The following PDZD8 variants were observed in gnomAD, a reference collection of about 807,000 sequenced individuals.
PDZD8 encodes PDZ domain containing 8.
In PDZD8, 14 loss-of-function variants were observed where a neutral mutation model predicts 85.8. The ratio of observed to expected loss-of-function variants is 0.16; its 90% CI spans 0.11 to 0.26. The LOEUF (loss-of-function observed/expected upper bound fraction) is 0.26, where lower values mean the gene tolerates loss of function less well. PDZD8 is among the 10% of genes least tolerant of loss of function. The pLI, the probability that PDZD8 is intolerant of heterozygous loss-of-function variation, is 1.00. For synonymous variants in PDZD8, 592 were observed against 568.6 expected (o/e 1.04, Z -0.59); for missense variants, 1,197 against 1,424.3 (o/e 0.84, Z 2.57).
intron 3 of PDZD8, among the ~76,000 whole-genome samples, chr10:117,302,213 T>C (rs562374272): frequency 3.3e-5 from 5 of 152,300 alleles, no homozygotes; most frequent in South Asian, 4.1e-4. Context: ...TTGGAAACAA[T>C]AGACCTTGTT....
chr10:117,285,517 G>A (rs1265640261), intron 4 of PDZD8, 46 bp from the exon 5 acceptor site: 1 of 1,460,738 alleles, frequency 6.8e-7, no homozygotes, highest in African/African-American at 1.4e-5. Context: ...TATTGCAATA[G>A]AAATTACTAC....
At chr10:117,362,942 C>T (rs1477804000) in intron 1 of PDZD8, among the ~76,000 whole-genome samples, 1 of 151,958 alleles carries the variant, frequency 6.6e-6, no homozygotes, top group East Asian at 1.9e-4. Context: ...ATTCTGGTCT[C>T]GATTAAAATC....
rs775347713 is a variant in PDZD8 at position 117,284,963 on chromosome 10, A to C, written c.1770T>G (p.Pro590=). The C allele has an allele frequency of 1.2e-6, 2 of 1,614,018 alleles. No homozygotes were observed. The change falls in exon 5 of 5, where the codon CCT becomes CCG. Residue 590 remains proline (P), a synonymous_variant. Transcript: ENST00000334464. ...KPTQGSAFKP[P]VPPRPQAKVP... ...CTTTCGCTTGTGGTCGTGGTGGCAC[A>C]GGTGGTTTGAAAGCAGATCCTTGGG...
intron 1 of PDZD8, among the ~76,000 whole-genome samples, chr10:117,369,128 C>T (rs1173503877): frequency 6.6e-6 from 1 of 151,512 alleles, no homozygotes; most frequent in African/African-American, 2.4e-5. Context: ...GCCACCACGC[C>T]AGGCCTGACA....
intron 1 of PDZD8, among the ~76,000 whole-genome samples, chr10:117,371,001 C>T (rs894109860): frequency 6.6e-6 from 1 of 150,918 alleles, no homozygotes; most frequent in African/African-American, 2.4e-5. Context: ...CACTTGAAAG[C>T]TGTGTGACTT....
intron 2 of PDZD8, among the ~76,000 whole-genome samples, chr10:117,330,309 C>T (rs1359528170): frequency 1.3e-5 from 2 of 152,042 alleles, no homozygotes; most frequent in Non-Finnish European, 2.9e-5. Flanking sequence ...TCTAAAACCC[C>T]AAGAGTTTGC....
intron 2 of PDZD8, among the ~76,000 whole-genome samples, chr10:117,338,164 G>A (rs544307748): frequency 2.0e-5 from 3 of 152,220 alleles, no homozygotes; most frequent in African/African-American, 7.2e-5. Context: ...AAACAGTAAC[G>A]TTAAGTTTTT....
Position 117,350,303 on chromosome 10 carries a change from G to A in PDZD8, c.873-9201C>T, listed in dbSNP as rs189393635. Among the ~76,000 whole-genome samples, 726 of 139,000 alleles carry A rather than the reference G, an allele frequency of 5.2e-3. 8 individuals carry two copies. Among genetic ancestry groups the A allele is most frequent in the Middle Eastern group, 0.018 (4 of 228 alleles). The allele number at this position is 139,000 out of a possible 152,430, so 91.2% of individuals were successfully genotyped here. The stretch of plus-strand genomic sequence containing the variant: ...TTTTTTTGAGACGGAGTCTTGCTCT[G>A]TCCCAGGCTGGAGTGCAATGGCATG... On this transcript the variant is annotated intron_variant, in intron 1 of 4. Transcript: ENST00000334464.
At chr10:117,285,512 C>A in intron 4 of PDZD8, 41 bp from the exon 5 acceptor site, 1 of 1,480,790 alleles carries the variant, frequency 6.8e-7, no homozygotes, top group Non-Finnish European at 9.0e-7. Flanking sequence ...TAAATTATTG[C>A]AATAGAAATT....
chr10:117,344,969 A>G (rs1034942455), intron 1 of PDZD8, among the ~76,000 whole-genome samples: 1 of 152,156 alleles, frequency 6.6e-6, no homozygotes, highest in East Asian at 1.9e-4. Context: ...ATAGTGGGAA[A>G]GGCAAGCCAA....
chr10:117,337,088 C>CAAA (rs879870820), intron 2 of PDZD8, among the ~76,000 whole-genome samples: 1 of 132,730 alleles, frequency 7.5e-6, no homozygotes, highest in African/African-American at 2.8e-5. Flanking sequence ...GACTCCATCT[C>CAAA]AAAAAAAAAA....
At chr10:117,354,392 T>G (rs1383234696) in intron 1 of PDZD8, among the ~76,000 whole-genome samples, 1 of 152,198 alleles carries the variant, frequency 6.6e-6, no homozygotes, top group African/African-American at 2.4e-5. Flanking sequence ...CTCTTCTTTA[T>G]GCCAAAGTAT....
At chr10:117,349,549 T>A (rs1844766843) in intron 1 of PDZD8, among the ~76,000 whole-genome samples, 1 of 152,180 alleles carries the variant, frequency 6.6e-6, no homozygotes, top group South Asian at 2.1e-4. Context: ...ATGCCTGTAA[T>A]CCCAACACTT....
intron 1 of PDZD8, among the ~76,000 whole-genome samples, chr10:117,366,558 C>A (rs1279480951): frequency 8.0e-5 from 12 of 150,444 alleles, no homozygotes; most frequent in Non-Finnish European, 1.6e-4. Context: ...GTCACTACCA[C>A]CACCACTACC....
rs1169964165 is a variant in PDZD8 at position 117,277,581 on chromosome 10, ATTT to A, written c.*5684_*5686del. ...AATATTTGAATCCAAACCAAATATA[ATTT>A]TTTAACTTACATTAACAAACATTTG... On this transcript the variant is annotated 3_prime_UTR_variant, in exon 5 of 5. Transcript: ENST00000334464. 6.1e-6 allele frequency: 1 copy of A among 163,438 alleles called. No homozygotes were observed. The highest frequency in any genetic ancestry group is 1.3e-5 in the Non-Finnish European group (1 of 75,584). 10.1% of individuals were successfully genotyped at this position (163,438 alleles called of 1,614,324 possible).
At chr10:117,312,805 G>A (rs574443945) in intron 3 of PDZD8, among the ~76,000 whole-genome samples, 4 of 151,872 alleles carry the variant, frequency 2.6e-5, no homozygotes, top group Non-Finnish European at 4.4e-5. Context: ...TCTCATTTCC[G>A]TGTTAATTTT....
intron 1 of PDZD8, among the ~76,000 whole-genome samples, chr10:117,357,766 C>CAAAAAAAA (rs767138640): frequency 6.3e-5 from 3 of 47,464 alleles, no homozygotes; most frequent in African/African-American, 9.2e-5. Flanking sequence ...ACTTCATCTC[C>CAAAAAAAA]AAAAAAAAAA....
At chr10:117,341,985 ATAT>A (rs1285497953) in intron 1 of PDZD8, among the ~76,000 whole-genome samples, 1 of 152,210 alleles carries the variant, frequency 6.6e-6, no homozygotes, top group African/African-American at 2.4e-5. Context: ...GAAGAGGGCA[ATAT>A]TATTGGCTCC....
At chr10:117,291,750 A>C (rs1207907372) in intron 3 of PDZD8, among the ~76,000 whole-genome samples, 1 of 151,922 alleles carries the variant, frequency 6.6e-6, no homozygotes, top group African/African-American at 2.4e-5. Flanking sequence ...TTTGTTTTCT[A>C]AATAAACCTG....
Sources: allele counts gnomAD v4.1 joint callset (sites outside exome capture counted in the v4.1 genomes callset), GRCh38; gene constraint gnomAD v4.1.1; transcripts MANE v1.5; gene names NCBI Gene and HGNC (gene_info 2026-07-23, HGNC 2026-07-21).